ARID1B: variants seen among roughly 807,000 people sequenced by gnomAD.
The protein encoded by ARID1B is AT-rich interaction domain 1B.
ARID1B carries 30 observed loss-of-function variants against 212.3 expected under a neutral mutation model. The ratio of observed to expected loss-of-function variants is 0.14; its 90% CI spans 0.11 to 0.19. The LOEUF (loss-of-function observed/expected upper bound fraction) is 0.19. Ranked by LOEUF, ARID1B falls within the 10% of genes least tolerant of loss-of-function variation. ARID1B has a pLI of 1.00. For synonymous variants in ARID1B, 1,402 were observed against 1,301.7 expected (o/e 1.08, Z -1.66); for missense variants, 2,891 against 3,204.0 (o/e 0.90, Z 2.36).
chr6:156,804,774 A>G lies in ARID1B; in HGVS notation c.1792-24453A>G, dbSNP rs114978226. Among the ~76,000 whole-genome samples the G allele has an allele frequency of 4.3e-3, 657 of 151,576 alleles. 5 individuals are homozygous for G. Among genetic ancestry groups the G allele is most frequent in the African/African-American group, 0.015 (635 of 41,298 alleles). On this transcript the variant is annotated intron_variant, in intron 1 of 19. Coordinates refer to ENST00000636930, the MANE Select transcript of ARID1B (RefSeq NM_001374828.1). ...GATTTGAGTGGGGACAAGCCTAATC[A>G]TATCAACGTATCATGAAAAGATTAC...
At chr6:156,788,384 G>A (rs1779788936) in intron 1 of ARID1B, among the ~76,000 whole-genome samples, 1 of 152,146 alleles carries the variant, frequency 6.6e-6, no homozygotes, top group Admixed American at 6.5e-5. Context: ...AGAGCCTACG[G>A]CTGATGCCAT....
At chr6:156,838,709 TATAATAATAATA>T (rs35310749) in intron 2 of ARID1B, among the ~76,000 whole-genome samples, 1 of 145,832 alleles carries the variant, frequency 6.9e-6, no homozygotes, top group South Asian at 2.2e-4. Flanking sequence ...GAACTTAAAG[TATAATAATAATA>T]ATAATAATAA....
At chr6:156,818,353 T>C (rs144623246) in intron 1 of ARID1B, among the ~76,000 whole-genome samples, 1,541 of 152,260 alleles carry the variant, frequency 0.01, 29 homozygotes, top group African/African-American at 0.035. Context: ...GGTAATTTTC[T>C]TATCTTAACT....
chr6:157,051,165 G>A (rs1004155624), intron 4 of ARID1B, among the ~76,000 whole-genome samples: 2 of 152,226 alleles, frequency 1.3e-5, no homozygotes, highest in African/African-American at 4.8e-5. Flanking sequence ...TAAAAGATGA[G>A]CGGGGGACGC....
intron 5 of ARID1B, among the ~76,000 whole-genome samples, chr6:157,092,432 T>C (rs1301426237): frequency 1.3e-5 from 2 of 152,242 alleles, no homozygotes; most frequent in African/African-American, 2.4e-5. Flanking sequence ...GATTCCCCAT[T>C]GCTGTCTGGT....
At chr6:156,997,971 C>T (rs1406967955) in intron 4 of ARID1B, among the ~76,000 whole-genome samples, 2 of 152,078 alleles carry the variant, frequency 1.3e-5, no homozygotes, top group African/African-American at 4.8e-5. Flanking sequence ...CAAATAAATT[C>T]TTATGGGACA....
At chr6:157,056,499 C>T (rs1336176870) in intron 4 of ARID1B, among the ~76,000 whole-genome samples, 2 of 152,242 alleles carry the variant, frequency 1.3e-5, no homozygotes, top group Non-Finnish European at 2.9e-5. Flanking sequence ...CAGGCTCTTA[C>T]TGTGCAGTTG....
At chr6:156,854,697 C>G (rs1375603875) in intron 2 of ARID1B, among the ~76,000 whole-genome samples, 2 of 152,232 alleles carry the variant, frequency 1.3e-5, no homozygotes, top group African/African-American at 4.8e-5. Flanking sequence ...GAATTGTGTC[C>G]ACCTCTAGAT....
intron 4 of ARID1B, among the ~76,000 whole-genome samples, chr6:157,035,767 G>T (rs1781288796): frequency 6.6e-6 from 1 of 152,178 alleles, no homozygotes; most frequent in Non-Finnish European, 1.5e-5. Flanking sequence ...AGTGCCAGGG[G>T]GTGGTCAGTG....
chr6:157,021,504 G>C (rs1325447417), intron 4 of ARID1B, among the ~76,000 whole-genome samples: 1 of 152,222 alleles, frequency 6.6e-6, no homozygotes, highest in Non-Finnish European at 1.5e-5. Flanking sequence ...CCCGGGCGGG[G>C]GTTCCGGTGC....
At chr6:157,043,885 A>T (rs558097978) in intron 4 of ARID1B, among the ~76,000 whole-genome samples, 2 of 152,342 alleles carry the variant, frequency 1.3e-5, no homozygotes, top group Admixed American at 6.5e-5. Context: ...TATGTTCATT[A>T]ATCAGGTTCT....
intron 8 of ARID1B, among the ~76,000 whole-genome samples, chr6:157,164,937 C>T (rs148338270): frequency 6.3e-4 from 96 of 152,328 alleles, no homozygotes; most frequent in African/African-American, 2.3e-3. Context: ...TAACCGTCCA[C>T]AAGTGAAGAT....
At chr6:157,128,557 C>T (rs999584081) in intron 6 of ARID1B, among the ~76,000 whole-genome samples, 1 of 152,178 alleles carries the variant, frequency 6.6e-6, no homozygotes, top group Non-Finnish European at 1.5e-5. Context: ...AACACTTCCT[C>T]TTACGGCAGT....
chr6:157,136,516 T>G (rs1463617248), intron 7 of ARID1B, among the ~76,000 whole-genome samples: 1 of 152,042 alleles, frequency 6.6e-6, no homozygotes, highest in Non-Finnish European at 1.5e-5. Flanking sequence ...AAAACCAAAA[T>G]GACAAATAAC....
At chr6:157,029,648 G>A (rs1780901139) in intron 4 of ARID1B, among the ~76,000 whole-genome samples, 1 of 152,220 alleles carries the variant, frequency 6.6e-6, no homozygotes, top group African/African-American at 2.4e-5. Context: ...GGATGATCTG[G>A]TAGCACAGTA....
rs538801451 is a variant in ARID1B, at chr6:156,987,105, G to A, written c.2247+51529G>A. Reference sequence around the variant, plus strand: ...AGGTGGGAGGATGGCTCTAGCCCGGGAGGTCCAGGCTGCAGTGAGCTGTGA... The same window carrying A: ...AGGTGGGAGGATGGCTCTAGCCCGGAAGGTCCAGGCTGCAGTGAGCTGTGA... On this transcript the variant is annotated intron_variant, in intron 4 of 19. Coordinates refer to ENST00000636930, the MANE Select transcript of ARID1B (RefSeq NM_001374828.1). 2.0e-5 allele frequency among the ~76,000 whole-genome samples: 3 copies of A among 152,022 alleles called. No homozygotes were observed. In the East Asian group the frequency reaches 5.8e-4, roughly 29 times the overall value.
chr6:156,861,535 C>G (rs1785333917), intron 2 of ARID1B, among the ~76,000 whole-genome samples: 1 of 152,054 alleles, frequency 6.6e-6, no homozygotes, highest in African/African-American at 2.4e-5. Context: ...TGCCTGAACC[C>G]TGGAGGCGGA....
At chr6:156,781,416 T>C (rs1407392391) in intron 1 of ARID1B, among the ~76,000 whole-genome samples, 1 of 152,116 alleles carries the variant, frequency 6.6e-6, no homozygotes, top group Non-Finnish European at 1.5e-5. Flanking sequence ...TTTTCTTTCA[T>C]GTTAATGCTA....
At chr6:156,884,342 T>G (rs1438686155) in intron 2 of ARID1B, among the ~76,000 whole-genome samples, 1 of 151,924 alleles carries the variant, frequency 6.6e-6, no homozygotes, top group African/African-American at 2.4e-5. Context: ...TTTTTGTAGT[T>G]CAGATAAAGT....
Sources: gnomAD v4.1 joint callset for allele counts (sites outside exome capture counted in the v4.1 genomes callset) on GRCh38, gnomAD v4.1.1 for gene constraint, MANE v1.5 for transcripts, NCBI Gene and HGNC (gene_info 2026-07-23, HGNC 2026-07-21) for gene names.